Variants in SLC26A5 observed in about 807,000 individuals in gnomAD.
SLC26A5 encodes solute carrier family 26 member 5.
SLC26A5 carries 51 observed loss-of-function variants against 81.0 expected under a neutral mutation model. That is an observed-to-expected ratio of 0.63 (90% CI 0.50 to 0.80). SLC26A5 has a LOEUF of 0.80. Among genes scored for constraint, SLC26A5 ranks in the 30% least tolerant of loss-of-function variants. The pLI is 0.00. For synonymous variants in SLC26A5, 325 were observed against 332.8 expected, an observed-to-expected ratio of 0.98 and a Z score of 0.25; for missense variants, 771 against 905.8, an observed-to-expected ratio of 0.85 and a Z score of 1.91.
intron 19 of SLC26A5, among the ~76,000 whole-genome samples, chr7:103,353,280 A>G (rs1413612786): frequency 6.6e-6 from 1 of 152,014 alleles, no homozygotes; most frequent in African/African-American, 2.4e-5. Flanking sequence ...ATGTTCTGTT[A>G]TCATTTTAAA....
At chr7:103,421,651 C>T (rs1054192385) in intron 2 of SLC26A5, 84 bp from the exon 3 acceptor site, 2 of 937,406 alleles carry the variant, frequency 2.1e-6, no homozygotes, top group African/African-American at 3.3e-5. Flanking sequence ...TGTGGTGTTC[C>T]AAGTTCTTCT....
At chr7:103,413,247 C>G (rs1824650396) in intron 4 of SLC26A5, 135 bp from the exon 5 acceptor site, 4 of 689,490 alleles carry the variant, frequency 5.8e-6, no homozygotes, top group African/African-American at 1.8e-5. Context: ...TGCCCTACCC[C>G]AGTCCTGCAC....
At position 103,421,370 on chromosome 7, in the gene SLC26A5, C is replaced by T; in HGVS notation, c.145G>A (p.Ala49Thr). 6.2e-7 allele frequency: 1 copy of T among 1,614,054 alleles called. No individual in the cohort carries two copies. Among genetic ancestry groups the T allele is most frequent in the Non-Finnish European group, 8.5e-7 (1 of 1,179,966 alleles). Residue 49 changes from alanine to threonine, a missense_variant, in exon 3 of 20, where the codon GCA becomes ACA. Ala to Thr is a moderately conservative substitution (Grantham distance 58). Coordinates refer to ENST00000306312, the MANE Select transcript of SLC26A5 (RefSeq NM_198999.3). The part of the protein sequence containing the change: ...PDSIADKLKQ[A>T]FTCTPKKIRN... ...GGTTAAAAGGCAACGTACGTGAATG[C>T]CTGTTTCAGCTTATCCGCAATGGAA...
chr7:103,436,694 T>G (rs1826476637), intron 2 of SLC26A5, among the ~76,000 whole-genome samples: 1 of 152,154 alleles, frequency 6.6e-6, no homozygotes, highest in African/African-American at 2.4e-5. Context: ...AAACTTTTCT[T>G]TAGACAGTCT....
At chr7:103,419,963 G>C (rs548023149) in intron 4 of SLC26A5, among the ~76,000 whole-genome samples, 50 of 152,110 alleles carry the variant, frequency 3.3e-4, no homozygotes, top group Non-Finnish European at 6.0e-4. Flanking sequence ...GATGGTTAGT[G>C]AGCTCCATGA....
At chr7:103,389,142 A>G in intron 13 of SLC26A5, 28 bp from the exon 14 acceptor site, 2 of 1,528,634 alleles carry the variant, frequency 1.3e-6, no homozygotes, top group Non-Finnish European at 1.8e-6. Context: ...AACTTGATGG[A>G]GAACCATGTT....
intron 19 of SLC26A5, among the ~76,000 whole-genome samples, chr7:103,361,510 CAAAAA>C (rs759044767): frequency 7.4e-4 from 38 of 51,076 alleles, no homozygotes; most frequent in Non-Finnish European, 1.3e-3. Flanking sequence ...AACTCCATCT[CAAAAA>C]AAAAAAAAAA....
exon 20 of SLC26A5, chr7:103,352,786 G>C: frequency 2.6e-6 from 2 of 776,542 alleles, no homozygotes; most frequent in South Asian, 2.7e-5. Context: ...GAAGTGTTAA[G>C]TGACTTGGCT....
chr7:103,403,733 T>C (rs1473073055), intron 8 of SLC26A5, among the ~76,000 whole-genome samples: 3 of 151,190 alleles, frequency 2.0e-5, no homozygotes, highest in African/African-American at 7.3e-5. Context: ...GCTTGGTATA[T>C]CTTCCTCCAT....
intron 14 of SLC26A5, among the ~76,000 whole-genome samples, chr7:103,381,599 C>G (rs1483209423): frequency 6.6e-6 from 1 of 151,088 alleles, no homozygotes; most frequent in Admixed American, 6.6e-5. Flanking sequence ...TGCATACACA[C>G]CACACATGCA....
intron 17 of SLC26A5, 60 bp from the exon 18 acceptor site, chr7:103,377,859 G>A (rs1441143061): frequency 7.9e-6 from 12 of 1,515,454 alleles, no homozygotes; most frequent in Non-Finnish European, 1.1e-5. Context: ...CTGGTTGTGA[G>A]AAAGATTTAT....
At chr7:103,407,568 T>C (rs1824152400) in intron 8 of SLC26A5, among the ~76,000 whole-genome samples, 1 of 152,166 alleles carries the variant, frequency 6.6e-6, no homozygotes. Flanking sequence ...AATTAGCCAA[T>C]AAAAATTTGA....
chr7:103,423,559 G>T (rs1046824814), intron 2 of SLC26A5, among the ~76,000 whole-genome samples: 4 of 152,158 alleles, frequency 2.6e-5, no homozygotes, highest in Non-Finnish European at 5.9e-5. Context: ...GAGCACTCAC[G>T]AATGGGATTA....
chr7:103,406,038 T>C (rs537754637), intron 8 of SLC26A5, among the ~76,000 whole-genome samples: 1 of 152,254 alleles, frequency 6.6e-6, no homozygotes, highest in African/African-American at 2.4e-5. Context: ...CCCACCAAGC[T>C]CAAGCGTCCC....
At chr7:103,440,242 A>G (rs565350259) in intron 2 of SLC26A5, among the ~76,000 whole-genome samples, 1 of 152,360 alleles carries the variant, frequency 6.6e-6, no homozygotes, top group Admixed American at 6.5e-5. Flanking sequence ...GAAGCAATGA[A>G]AACCCTTGTT....
chr7:103,385,702 C>CTT (rs1179157860), intron 14 of SLC26A5, among the ~76,000 whole-genome samples: 10 of 122,680 alleles, frequency 8.2e-5, no homozygotes, highest in South Asian at 2.3e-4. Flanking sequence ...CTTTTCTTTT[C>CTT]TTTTTTTTTT....
rs1216374608 is a variant in SLC26A5 at position 103,414,185 on chromosome 7, C to T, written c.293-1073G>A. Among the ~76,000 whole-genome samples, 6 of 130,536 alleles carry T rather than the reference C, an allele frequency of 4.6e-5. No individual in the cohort carries two copies. In the East Asian group the frequency reaches 1.6e-3, roughly 34 times the overall value. 85.6% of individuals were successfully genotyped at this position (130,536 alleles called of 152,430 possible). A position where few individuals can be genotyped will look rare whatever the true frequency, so the allele number is the denominator to read the frequency against. On this transcript the variant is annotated intron_variant, in intron 4 of 19. Transcript: ENST00000306312. ...TTTTTACTGTCTTTGAAGTTTTGCCCCCCCCTTTTTTTTTTTTTAAGACAG... is the reference window on the plus strand; with the variant it reads ...TTTTTACTGTCTTTGAAGTTTTGCCTCCCCCTTTTTTTTTTTTTAAGACAG...
At chr7:103,444,647 C>G (rs571476672) in intron 1 of SLC26A5, among the ~76,000 whole-genome samples, 1 of 152,100 alleles carries the variant, frequency 6.6e-6, no homozygotes, top group Admixed American at 6.5e-5. Context: ...TAATGAGGAA[C>G]GTGTAACTCT....
At chr7:103,415,520 G>A (rs1824834327) in intron 4 of SLC26A5, among the ~76,000 whole-genome samples, 1 of 152,198 alleles carries the variant, frequency 6.6e-6, no homozygotes, top group Non-Finnish European at 1.5e-5. Flanking sequence ...CTGGCATCTA[G>A]TGGGTGAAGG....
Sources: gnomAD v4.1 joint callset for allele counts (sites outside exome capture counted in the v4.1 genomes callset) on GRCh38, gnomAD v4.1.1 for gene constraint, MANE v1.5 for transcripts, NCBI Gene and HGNC (gene_info 2026-07-23, HGNC 2026-07-21) for gene names.